Variants in MARF1 observed in about 807,000 individuals in gnomAD.
MARF1 encodes the protein limkain-b1.
In MARF1, 24 loss-of-function variants were observed where a neutral mutation model predicts 168.2. The ratio of observed to expected loss-of-function variants is 0.14; its 90% confidence interval spans 0.10 to 0.20. The LOEUF is 0.20. Ranked by LOEUF, MARF1 falls within the 10% of genes least tolerant of loss-of-function variation. The pLI is 1.00. For synonymous variants in MARF1, 868 were observed against 822.4 expected (o/e 1.06, Z -0.95); for missense variants, 1,744 against 2,143.6 (o/e 0.81, Z 3.68).
At position 15,611,413 on chromosome 16, in the gene MARF1, C is replaced by T. The variant is rs923519931; in HGVS notation, c.3617+179G>A. 4.4e-5 allele frequency among the ~76,000 whole-genome samples: 6 copies of T among 134,846 alleles called. No homozygotes were observed. In the South Asian group the frequency reaches 1.3e-3, roughly 29 times the overall value. The allele number at this position is 134,846 out of a possible 152,430, so 88.5% of individuals were successfully genotyped here. Reference sequence around the variant, plus strand: ...GGCGGAGCTTGCAGTGAGCCAAGATCGTGCCACTGGGCGACAGAGCGAGAC... The same window carrying T: ...GGCGGAGCTTGCAGTGAGCCAAGATTGTGCCACTGGGCGACAGAGCGAGAC... On this transcript the variant is annotated intron_variant, in intron 18 of 26. Coordinates refer to ENST00000396368, the MANE Select transcript of MARF1 (RefSeq NM_014647.4).
chr16:15,629,527 G>A (rs778330029), intron 7 of MARF1, among the ~76,000 whole-genome samples: 10 of 152,290 alleles, frequency 6.6e-5, no homozygotes, highest in Middle Eastern at 6.8e-3. Flanking sequence ...CTTTGCATGA[G>A]ATCATGTCTA....
chr16:15,636,760 A>C (rs1363594508), intron 2 of MARF1, among the ~76,000 whole-genome samples: 1 of 152,194 alleles, frequency 6.6e-6, no homozygotes, highest in Admixed American at 6.5e-5. Flanking sequence ...GTTTGAGGAC[A>C]ATACTTAATA....
rs752339733 is a variant in MARF1, at chr16:15,606,568, C to T, written c.4182+1723G>A. The stretch of plus-strand genomic sequence containing the variant: ...TCTCTCTCTCTAAGCAGAGATCAGT[C>T]CCTCTCTCTAGTGGAAAACCACTCT... On this transcript the variant is annotated intron_variant, in intron 21 of 26. Transcript: ENST00000396368. Among the ~76,000 whole-genome samples the T allele has an allele frequency of 1.0e-3, 155 of 152,270 alleles. 3 individuals carry two copies. Among genetic ancestry groups the T allele is most frequent in the Non-Finnish European group, 2.8e-4 (19 of 68,032 alleles).
chr16:15,637,334 G>A (rs373382548), intron 2 of MARF1, among the ~76,000 whole-genome samples: 2 of 152,204 alleles, frequency 1.3e-5, no homozygotes, highest in South Asian at 2.1e-4. Flanking sequence ...TGACTGAGAC[G>A]TGCTCACCGT....
intron 12 of MARF1, 62 bp downstream of exon 12, chr16:15,621,671 T>C: frequency 2.0e-6 from 3 of 1,485,968 alleles, no homozygotes; most frequent in Non-Finnish European, 2.8e-6. Flanking sequence ...TTTTTATTAT[T>C]TCTAAAATTG....
chr16:15,630,407 C>T lies in MARF1; in HGVS notation c.1449G>A (p.Leu483=). ...ATCTGATCAGCTCGTTAGCATGATG[C>T]AGCAGTGCTTCTGAGGCCTGGTTTT... is the stretch of plus-strand genomic sequence containing the variant. ...VHKNQASEAL[L]HHANELIRFE... Residue 483 remains leucine, a synonymous_variant, in exon 7 of 27, where the codon CTG becomes CTA. Coordinates refer to ENST00000396368, the MANE Select transcript of MARF1 (RefSeq NM_014647.4). 1 of 1,614,040 alleles carries T rather than the reference C, an allele frequency of 6.2e-7. No individual in the cohort carries two copies. Among genetic ancestry groups the T allele is most frequent in the Non-Finnish European group, 8.5e-7 (1 of 1,179,940 alleles).
chr16:15,609,924 G>C (rs148477810), intron 19 of MARF1, among the ~76,000 whole-genome samples, 199 bp from the exon 20 acceptor site: 1 of 152,106 alleles, frequency 6.6e-6, no homozygotes, highest in Admixed American at 6.6e-5. Context: ...CAGAACACCA[G>C]GAAGTTATGA....
intron 16 of MARF1, among the ~76,000 whole-genome samples, chr16:15,615,155 G>A (rs749835506): frequency 2.0e-5 from 3 of 152,174 alleles, no homozygotes; most frequent in African/African-American, 2.4e-5. Flanking sequence ...AAAAGGATCT[G>A]TAAATGTGAA....
chr16:15,609,664 C>G lies in MARF1; in HGVS notation c.3813G>C (p.Leu1271=). The G allele has an allele frequency of 6.2e-7, 1 of 1,614,132 alleles. No individual in the cohort carries two copies. Among genetic ancestry groups the G allele is most frequent in the South Asian group, 1.1e-5 (1 of 91,086 alleles). The part of the protein sequence containing the change: ...KQFSKDVVDL[L]RHQPHFRMPF... ...GCATCCGGAAATGGGGTTGGTGACG[C>G]AGCAAATCAACGACATCCTTGGAGA... Residue 1271 remains leucine, a synonymous_variant, in exon 20 of 27, where the codon CTG becomes CTC. Coordinates refer to ENST00000396368, the MANE Select transcript of MARF1 (RefSeq NM_014647.4).
intron 21 of MARF1, among the ~76,000 whole-genome samples, chr16:15,605,520 T>G (rs943433668): frequency 2.6e-5 from 4 of 151,912 alleles, no homozygotes; most frequent in Non-Finnish European, 5.9e-5. Context: ...CCGATACAAG[T>G]CCAGGGGATC....
At position 15,637,012 on chromosome 16, in the gene MARF1, T is replaced by C. The variant is rs533494750; in HGVS notation, c.145-670A>G. ...GATCCAAGACAAATAGTTTGCCACA[T>C]GACTCCAACACAGACACAGGAAGCC... On this transcript the variant is annotated intron_variant, in intron 2 of 26. Coordinates refer to ENST00000396368, the MANE Select transcript of MARF1 (RefSeq NM_014647.4). Among the ~76,000 whole-genome samples, 8 of 152,306 alleles carry C rather than the reference T, an allele frequency of 5.3e-5. No homozygotes were observed. In the East Asian group the frequency reaches 9.6e-4, roughly 18 times the overall value.
At chr16:15,622,470 C>T (rs2034531031) in intron 11 of MARF1, among the ~76,000 whole-genome samples, 1 of 151,898 alleles carries the variant, frequency 6.6e-6, no homozygotes, top group African/African-American at 2.4e-5. Context: ...CAGCTTACTG[C>T]AACCTCTGCC....
At position 15,638,101 on chromosome 16, in the gene MARF1, T is replaced by C. The variant is rs562667387; in HGVS notation, c.144+989A>G. The stretch of plus-strand genomic sequence containing the variant: ...GAATCCCTTGAACTAGGGACAGTGG[T>C]TGCAGTGAACCCGGATCGTGCCACT... On this transcript the variant is annotated intron_variant, in intron 2 of 26. Coordinates refer to ENST00000396368, the MANE Select transcript of MARF1 (RefSeq NM_014647.4). Among the ~76,000 whole-genome samples, 4 of 152,060 alleles carry C rather than the reference T, an allele frequency of 2.6e-5. 1 individual carries two copies. Among genetic ancestry groups the C allele is most frequent in the Middle Eastern group, 3.4e-3 (1 of 294 alleles).
intron 16 of MARF1, among the ~76,000 whole-genome samples, chr16:15,615,138 G>T (rs1421193349): frequency 6.6e-6 from 1 of 152,116 alleles, no homozygotes; most frequent in Non-Finnish European, 1.5e-5. Context: ...CACAAAATTA[G>T]GTTGCTAAAA....
At chr16:15,600,612 A>G (rs750975072) in intron 24 of MARF1, 29 bp downstream of exon 24, 3 of 1,613,944 alleles carry the variant, frequency 1.9e-6, no homozygotes, top group Non-Finnish European at 2.5e-6. Context: ...GTGATTTTTT[A>G]AGGGGGGAGG....
At position 15,622,915 on chromosome 16, in the gene MARF1, A is replaced by T. The variant is rs1214276724; in HGVS notation, c.2460+19T>A. 3.2e-6 allele frequency: 5 copies of T among 1,563,484 alleles called. No homozygotes were observed. The African/African-American group carries it at 6.8e-5, about 21-fold the overall frequency. Reference sequence around the variant, plus strand: ...CATCAGAGAGTATAACAAAGCAAGCACAAGAGGGAAAAAGTTACCTTGCCA... The same window carrying T: ...CATCAGAGAGTATAACAAAGCAAGCTCAAGAGGGAAAAAGTTACCTTGCCA... On this transcript the variant is annotated intron_variant, in intron 11 of 26. Transcript: ENST00000396368.
chr16:15,609,448 G>C (rs979760524), intron 20 of MARF1, 75 bp downstream of exon 20: 12 of 1,253,658 alleles, frequency 9.6e-6, no homozygotes, highest in South Asian at 1.3e-5. Context: ...AGAAAAACAG[G>C]TCTGGAACGT....
intron 20 of MARF1, 78 bp downstream of exon 20, chr16:15,609,445 C>G (rs764859572): frequency 3.3e-5 from 40 of 1,205,952 alleles, no homozygotes; most frequent in Non-Finnish European, 4.6e-5. Context: ...CCCAGAAAAA[C>G]AGGTCTGGAA....
At chr16:15,637,019 A>C (rs2035643529) in intron 2 of MARF1, among the ~76,000 whole-genome samples, 2 of 152,216 alleles carry the variant, frequency 1.3e-5, no homozygotes, top group South Asian at 4.1e-4. Flanking sequence ...ACATGACTCC[A>C]ACACAGACAC....
Sources: allele counts gnomAD v4.1 joint callset (sites outside exome capture counted in the v4.1 genomes callset), GRCh38; gene constraint gnomAD v4.1.1; transcripts MANE v1.5; gene names NCBI Gene and HGNC (gene_info 2026-07-23, HGNC 2026-07-21).